The following MED12L variants were observed in gnomAD, a reference collection of about 807,000 sequenced individuals.
MED12L encodes mediator of RNA polymerase II transcription subunit 12-like protein.
MED12L carries 60 observed loss-of-function variants against 281.3 expected under a neutral mutation model. The observed-to-expected ratio is 0.21, with a 90% CI of 0.17 to 0.26. The LOEUF is 0.26. Ranked by LOEUF, MED12L falls within the 10% of genes least tolerant of loss-of-function variation. MED12L has a pLI of 1.00. For synonymous variants in MED12L, 974 were observed against 987.2 expected, an observed-to-expected ratio of 0.99 and a Z score of 0.25; for missense variants, 2,146 against 2,680.9, an observed-to-expected ratio of 0.80 and a Z score of 4.41.
At chr3:151,148,296 G>A (rs1319113322) in intron 5 of MED12L, among the ~76,000 whole-genome samples, 3 of 152,122 alleles carry the variant, frequency 2.0e-5, no homozygotes, top group Non-Finnish European at 4.4e-5. Flanking sequence ...CAATTGGTGT[G>A]TTATCTTTTC....
chr3:151,416,310 A>G lies in MED12L; in HGVS notation c.6298-2A>G, dbSNP rs761314480. On this transcript the variant is annotated splice_acceptor_variant, in intron 42 of 44. Transcript: ENST00000687756. LOFTEE classifies it high-confidence loss of function. Reference sequence around the variant, plus strand: ...TGTATAACATTTTTACCCTCTTTCCAGATGCAGCAGCCCCAGCAGCCCCAG... The same window carrying G: ...TGTATAACATTTTTACCCTCTTTCCGGATGCAGCAGCCCCAGCAGCCCCAG... 1.2e-6 allele frequency: 2 copies of G among 1,613,194 alleles called. No individual in the cohort carries two copies. The highest frequency in any genetic ancestry group is 1.1e-5 in the South Asian group (1 of 91,028).
chr3:151,260,102 C>T (rs139677153), intron 16 of MED12L, among the ~76,000 whole-genome samples: 1 of 152,044 alleles, frequency 6.6e-6, no homozygotes, highest in Non-Finnish European at 1.5e-5. Flanking sequence ...ACTGGGGACA[C>T]CATTGGTGGG....
At chr3:151,182,793 G>A (rs1722858906) in intron 11 of MED12L, among the ~76,000 whole-genome samples, 1 of 152,206 alleles carries the variant, frequency 6.6e-6, no homozygotes, top group African/African-American at 2.4e-5. Flanking sequence ...TCAGGTGATT[G>A]TGGTCAGCAG....
intron 16 of MED12L, among the ~76,000 whole-genome samples, chr3:151,240,901 T>G (rs781517163): frequency 1.3e-5 from 2 of 152,342 alleles, no homozygotes; most frequent in South Asian, 4.1e-4. Flanking sequence ...TGGTCTTGAT[T>G]AGCTGTGTCA....
At chr3:151,089,964 T>A (rs1021638713) in intron 2 of MED12L, among the ~76,000 whole-genome samples, 1 of 152,216 alleles carries the variant, frequency 6.6e-6, no homozygotes, top group African/African-American at 2.4e-5. Flanking sequence ...ATCCACCAGA[T>A]GCTCTCCAGT....
At chr3:151,334,651 C>A (rs1560041471) in intron 16 of MED12L, among the ~76,000 whole-genome samples, 1 of 151,980 alleles carries the variant, frequency 6.6e-6, no homozygotes, top group Admixed American at 6.6e-5. Flanking sequence ...AGGTGCCCAC[C>A]ACCACGCCCA....
At chr3:151,199,461 G>A (rs1031243127) in intron 16 of MED12L, 1 of 1,277,344 alleles carries the variant, frequency 7.8e-7, no homozygotes, top group Admixed American at 2.3e-5. Flanking sequence ...ACAAGGAAAG[G>A]GAGGTTAGTA....
chr3:151,277,873 A>T (rs1257358646), intron 16 of MED12L, among the ~76,000 whole-genome samples: 2 of 152,274 alleles, frequency 1.3e-5, no homozygotes, highest in Non-Finnish European at 2.9e-5. Flanking sequence ...ATCTGTACAC[A>T]TATGCAATTG....
intron 16 of MED12L, among the ~76,000 whole-genome samples, chr3:151,203,567 A>G (rs897512829): frequency 2.6e-5 from 4 of 152,212 alleles, no homozygotes; most frequent in African/African-American, 9.6e-5. Flanking sequence ...TTTCAAAGTT[A>G]AAATTTAAAA....
intron 11 of MED12L, among the ~76,000 whole-genome samples, chr3:151,166,512 G>A (rs1016864856): frequency 2.0e-5 from 3 of 151,986 alleles, no homozygotes; most frequent in Non-Finnish European, 4.4e-5. Flanking sequence ...AAGGGGGGGA[G>A]AAAAGAGAGG....
chr3:151,357,984 C>T (rs1754131938), intron 20 of MED12L, among the ~76,000 whole-genome samples: 1 of 152,128 alleles, frequency 6.6e-6, no homozygotes, highest in African/African-American at 2.4e-5. Flanking sequence ...CTTACATAAG[C>T]TGCTTTTTAT....
intron 16 of MED12L, among the ~76,000 whole-genome samples, chr3:151,320,783 C>A (rs1320333334): frequency 1.3e-5 from 2 of 152,150 alleles, no homozygotes; most frequent in African/African-American, 4.8e-5. Flanking sequence ...CTTTGTAAAT[C>A]TTGCTTGTGC....
chr3:151,124,366 G>A (rs1238743355), intron 4 of MED12L, among the ~76,000 whole-genome samples: 3 of 152,136 alleles, frequency 2.0e-5, no homozygotes, highest in African/African-American at 4.8e-5. Context: ...CCTCAGGTAA[G>A]CCCTGATGTT....
chr3:151,249,520 T>C (rs1478148553), intron 16 of MED12L, among the ~76,000 whole-genome samples: 1 of 152,024 alleles, frequency 6.6e-6, no homozygotes, highest in Non-Finnish European at 1.5e-5. Context: ...AGAAGAGATA[T>C]TGAAAGGACC....
chr3:151,337,751 A>G (rs1751202718), intron 16 of MED12L: 4 of 1,494,568 alleles, frequency 2.7e-6, no homozygotes, highest in Non-Finnish European at 3.7e-6. Context: ...TAATATTTTT[A>G]CTTAGCGCTT....
At chr3:151,205,987 C>G (rs1456976087) in intron 16 of MED12L, among the ~76,000 whole-genome samples, 3 of 151,970 alleles carry the variant, frequency 2.0e-5, no homozygotes, top group Non-Finnish European at 4.4e-5. Context: ...TATGATCAGT[C>G]ACTTCTGCCA....
intron 16 of MED12L, among the ~76,000 whole-genome samples, chr3:151,196,030 G>A (rs1009405409): frequency 5.9e-5 from 9 of 152,194 alleles, no homozygotes; most frequent in African/African-American, 2.2e-4. Context: ...TCTCTCCCAG[G>A]TGTCTGGGTG....
chr3:151,371,835 G>A (rs995484357), intron 26 of MED12L, among the ~76,000 whole-genome samples: 4 of 152,150 alleles, frequency 2.6e-5, no homozygotes, highest in African/African-American at 9.7e-5. Context: ...CTCATGGCTA[G>A]AGTTTTCTTA....
At chr3:151,224,699 G>A (rs778443550) in intron 16 of MED12L, among the ~76,000 whole-genome samples, 1 of 152,112 alleles carries the variant, frequency 6.6e-6, no homozygotes, top group East Asian at 1.9e-4. Flanking sequence ...ATCACCCAGA[G>A]CATTTAAAGT....
Sources: gnomAD v4.1 joint callset for allele counts (sites outside exome capture counted in the v4.1 genomes callset) on GRCh38, gnomAD v4.1.1 for gene constraint, MANE v1.5 for transcripts, NCBI Gene and HGNC (gene_info 2026-07-23, HGNC 2026-07-21) for gene names.